Variants in CTNNBL1 observed in about 807,000 individuals in gnomAD.
CTNNBL1 encodes the protein beta-catenin-like protein 1.
In CTNNBL1, 31 loss-of-function variants were observed where a neutral mutation model predicts 72.7. The ratio of observed to expected loss-of-function variants is 0.43; its 90% CI spans 0.32 to 0.58. CTNNBL1 has a LOEUF of 0.58. Ranked by LOEUF, CTNNBL1 falls within the 20% of genes least tolerant of loss-of-function variation. CTNNBL1 has a pLI of 0.08. For synonymous variants in CTNNBL1, 240 were observed against 267.3 expected (o/e 0.90, Z 1.00); for missense variants, 534 against 725.1 (o/e 0.74, Z 3.03).
At chr20:37,779,934 T>C (rs2073611407) in intron 10 of CTNNBL1, among the ~76,000 whole-genome samples, 1 of 152,060 alleles carries the variant, frequency 6.6e-6, no homozygotes. Context: ...TATAGAATCC[T>C]AAAGTTAGAA....
At chr20:37,812,740 A>G (rs1421722268) in intron 11 of CTNNBL1, among the ~76,000 whole-genome samples, 1 of 152,236 alleles carries the variant, frequency 6.6e-6, no homozygotes, top group African/African-American at 2.4e-5. Flanking sequence ...GGAGACATAG[A>G]AACCTGCATT....
intron 1 of CTNNBL1, among the ~76,000 whole-genome samples, chr20:37,706,617 A>T (rs2072887703): frequency 6.6e-6 from 1 of 152,194 alleles, no homozygotes; most frequent in Non-Finnish European, 1.5e-5. Flanking sequence ...TAGTTCTTCC[A>T]CTGAAATCTT....
chr20:37,842,248 G>A (rs2072310296), intron 12 of CTNNBL1, 91 bp from the exon 13 acceptor site: 1 of 887,500 alleles, frequency 1.1e-6, no homozygotes, highest in African/African-American at 1.6e-5. Context: ...CCTTTGTAAG[G>A]GAGCGACAGT....
intron 15 of CTNNBL1, among the ~76,000 whole-genome samples, chr20:37,867,664 C>G (rs1239301148): frequency 1.3e-5 from 2 of 152,108 alleles, no homozygotes; most frequent in African/African-American, 2.4e-5. Flanking sequence ...CTCCCTCTCC[C>G]CTCATCCTGC....
At chr20:37,767,133 T>TG (rs1366223415) in intron 6 of CTNNBL1, among the ~76,000 whole-genome samples, 2 of 152,128 alleles carry the variant, frequency 1.3e-5, no homozygotes, top group East Asian at 1.9e-4. Flanking sequence ...CAATGTGTTC[T>TG]GGGTATTGTG....
intron 7 of CTNNBL1, among the ~76,000 whole-genome samples, chr20:37,770,841 G>A (rs1165245801): frequency 6.6e-6 from 1 of 152,168 alleles, no homozygotes; most frequent in Non-Finnish European, 1.5e-5. Flanking sequence ...TGCTGCCCAG[G>A]CTTAATTAAT....
At chr20:37,856,993 A>G (rs1171323853) in intron 13 of CTNNBL1, among the ~76,000 whole-genome samples, 2 of 152,220 alleles carry the variant, frequency 1.3e-5, no homozygotes, top group Non-Finnish European at 2.9e-5. Flanking sequence ...GATGAATCAG[A>G]CACGATTCCT....
chr20:37,765,522 TA>T (rs1333320680), intron 6 of CTNNBL1, among the ~76,000 whole-genome samples: 1 of 152,226 alleles, frequency 6.6e-6, no homozygotes, highest in Non-Finnish European at 1.5e-5. Flanking sequence ...GTAACCTTCC[TA>T]AACAAAAAAC....
chr20:37,791,552 GTTAT>G (rs1406334483), intron 10 of CTNNBL1, among the ~76,000 whole-genome samples: 2 of 152,100 alleles, frequency 1.3e-5, no homozygotes, highest in African/African-American at 2.4e-5. Flanking sequence ...GGGGTAAGGG[GTTAT>G]TTGTCTTATT....
chr20:37,737,497 TC>T lies in CTNNBL1; in HGVS notation c.326+15del. 6.5e-7 allele frequency: 1 copy of T among 1,538,474 alleles called. No individual in the cohort carries two copies. The highest frequency in any genetic ancestry group is 1.1e-5 in the South Asian group (1 of 88,602). ...ACAATCCAGAGAAGTAAGGTTCTGT[TC>T]CACTGATACCATGTCTCCTCTGTGG... On this transcript the variant is annotated intron_variant, in intron 3 of 15. Coordinates refer to ENST00000361383, the MANE Select transcript of CTNNBL1 (RefSeq NM_030877.5).
At chr20:37,822,795 CA>C (rs2072120632) in intron 11 of CTNNBL1, among the ~76,000 whole-genome samples, 1 of 152,150 alleles carries the variant, frequency 6.6e-6, no homozygotes, top group Non-Finnish European at 1.5e-5. Context: ...TAATTCACTC[CA>C]GGGGTGGTCA....
At chr20:37,799,239 T>C (rs1428776331) in intron 10 of CTNNBL1, among the ~76,000 whole-genome samples, 1 of 152,172 alleles carries the variant, frequency 6.6e-6, no homozygotes. Flanking sequence ...CCTTCTAAAA[T>C]GTATCTGTCC....
chr20:37,830,582 C>G (rs1374864119), intron 11 of CTNNBL1, among the ~76,000 whole-genome samples: 4 of 152,170 alleles, frequency 2.6e-5, no homozygotes, highest in Non-Finnish European at 5.9e-5. Flanking sequence ...TCCTTCTATT[C>G]TCCCACTTCC....
rs1280619957 is a variant in CTNNBL1 at position 37,777,338 on chromosome 20, C to A, written c.751-7C>A. ...ACATTTTTCTCATTTCTCCTATTTC[C>A]CCATAGGCAAAGATGCCTTTTGATG... On this transcript the variant is annotated splice_region_variant and splice_polypyrimidine_tract_variant and intron_variant, in intron 7 of 15. Coordinates refer to ENST00000361383, the MANE Select transcript of CTNNBL1 (RefSeq NM_030877.5). The A allele has an allele frequency of 1.2e-6, 2 of 1,612,376 alleles. No homozygotes were observed.
chr20:37,792,982 A>G (rs28881628), intron 10 of CTNNBL1, among the ~76,000 whole-genome samples: 2,909 of 152,292 alleles, frequency 0.019, 96 homozygotes, highest in African/African-American at 0.063. Context: ...CTACTTTCAT[A>G]CCATTCATTG....
chr20:37,761,806 G>C (rs932865626), intron 5 of CTNNBL1, among the ~76,000 whole-genome samples: 1 of 152,236 alleles, frequency 6.6e-6, no homozygotes, highest in Non-Finnish European at 1.5e-5. Context: ...AGTCAGGCAA[G>C]GCCTGAGTTC....
chr20:37,767,914 A>T, intron 6 of CTNNBL1, 39 bp from the exon 7 acceptor site: 1 of 1,555,788 alleles, frequency 6.4e-7, no homozygotes, highest in Non-Finnish European at 8.9e-7. Context: ...ATGGAAACAA[A>T]GTTGTCCTCC....
At position 37,720,361 on chromosome 20, in the gene CTNNBL1, G is replaced by A. The variant is rs116221770; in HGVS notation, c.31-12518G>A. Among the ~76,000 whole-genome samples the A allele has an allele frequency of 9.9e-3, 1,509 of 152,146 alleles. 27 individuals are homozygous for A. Among genetic ancestry groups the A allele is most frequent in the African/African-American group, 0.035 (1,432 of 41,502 alleles). On this transcript the variant is annotated intron_variant, in intron 1 of 15. Coordinates refer to ENST00000361383, the MANE Select transcript of CTNNBL1 (RefSeq NM_030877.5). ...TTTTTTGTAGACACAGGGTCTCACC[G>A]TTTCCCAGGCTGGTCTTGAACTCCT...
At chr20:37,776,285 C>T (rs751873263) in intron 7 of CTNNBL1, among the ~76,000 whole-genome samples, 29 of 152,162 alleles carry the variant, frequency 1.9e-4, no homozygotes, top group African/African-American at 5.8e-4. Flanking sequence ...ATGAGGAAGA[C>T]GTGCACAGAA....
Sources: allele counts gnomAD v4.1 joint callset (sites outside exome capture counted in the v4.1 genomes callset), GRCh38; gene constraint gnomAD v4.1.1; transcripts MANE v1.5; gene names NCBI Gene and HGNC (gene_info 2026-07-23, HGNC 2026-07-21).